PKIG: variants seen among roughly 807,000 people sequenced by gnomAD.
PKIG encodes cAMP-dependent protein kinase inhibitor gamma.
A neutral mutation model predicts 6.8 loss-of-function variants in PKIG; 1 was observed. That is an observed-to-expected ratio of 0.15 (90% CI 0.05 to 0.69). The LOEUF (loss-of-function observed/expected upper bound fraction) is 0.69. PKIG is among the 30% of genes least tolerant of loss of function. PKIG has a pLI of 0.82. For synonymous variants in PKIG, 39 were observed against 43.0 expected (o/e 0.91, Z 0.36); for missense variants, 77 against 104.0 (o/e 0.74, Z 1.13).
At chr20:44,615,206 GC>G (rs575546436) in intron 3 of PKIG, among the ~76,000 whole-genome samples, 26 of 151,424 alleles carry the variant, frequency 1.7e-4, no homozygotes, top group Non-Finnish European at 3.4e-4. Context: ...GGGCAGTCCT[GC>G]TGTAGGCCGG....
intron 1 of PKIG, among the ~76,000 whole-genome samples, chr20:44,572,096 C>T (rs557631723): frequency 9.9e-5 from 15 of 152,268 alleles, no homozygotes; most frequent in South Asian, 6.2e-4. Context: ...CTCTGCCTCC[C>T]GGGTTCAAGC....
At chr20:44,618,229 C>T in intron 3 of PKIG, 56 bp from the exon 4 acceptor site, 5 of 1,143,730 alleles carry the variant, frequency 4.4e-6, no homozygotes, top group Non-Finnish European at 6.7e-6. Flanking sequence ...ACACCTCCTT[C>T]TGTGCATTAC....
chr20:44,590,932 C>A (rs1350555850), intron 2 of PKIG, among the ~76,000 whole-genome samples: 1 of 152,212 alleles, frequency 6.6e-6, no homozygotes, highest in Non-Finnish European at 1.5e-5. Context: ...TCAGTTTAGA[C>A]TCCTGCCTCA....
chr20:44,572,443 T>C (rs1192270301), intron 1 of PKIG, among the ~76,000 whole-genome samples: 1 of 152,238 alleles, frequency 6.6e-6, no homozygotes, highest in African/African-American at 2.4e-5. Context: ...TAGTTCAAAC[T>C]TGGAAATAAA....
chr20:44,616,487 G>T (rs890223123), intron 3 of PKIG, among the ~76,000 whole-genome samples: 2 of 152,168 alleles, frequency 1.3e-5, no homozygotes, highest in African/African-American at 4.8e-5. Context: ...CCTCAGCTCT[G>T]GTGAGCTCTG....
chr20:44,611,929 G>GT (rs1464012864), intron 2 of PKIG, among the ~76,000 whole-genome samples: 12 of 151,762 alleles, frequency 7.9e-5, no homozygotes, highest in Non-Finnish European at 1.5e-4. Flanking sequence ...AGGTTTATCC[G>GT]TTTTGTCCCA....
intron 1 of PKIG, among the ~76,000 whole-genome samples, chr20:44,583,965 A>G (rs1442389233): frequency 2.0e-5 from 3 of 152,180 alleles, no homozygotes; most frequent in Non-Finnish European, 4.4e-5. Flanking sequence ...TTGAAGAAAG[A>G]GAAAGAAAAA....
intron 1 of PKIG, among the ~76,000 whole-genome samples, chr20:44,566,483 A>G (rs1048045020): frequency 6.6e-6 from 1 of 152,236 alleles, no homozygotes; most frequent in Admixed American, 6.5e-5. Context: ...CATGCATATC[A>G]TATATTATAT....
In PKIG at chr20:44,614,461, G is replaced by A; in HGVS notation, c.-23-73G>A. ...TCATTTTGACAGAAGCCACTGTGCTGGGGAACTGGAGCTGTCCTCTCTGCA... is the reference window on the plus strand; with the variant it reads ...TCATTTTGACAGAAGCCACTGTGCTAGGGAACTGGAGCTGTCCTCTCTGCA... On this transcript the variant is annotated intron_variant, in intron 2 of 3. Coordinates refer to ENST00000372886, the MANE Select transcript of PKIG (RefSeq NM_001281445.2). The surrounding 1 kb of genome is among the most constrained non-coding windows in gnomAD (Gnocchi z 4.6). 9.1e-7 allele frequency: 1 copy of A among 1,093,152 alleles called. No individual in the cohort carries two copies. Among genetic ancestry groups the A allele is most frequent in the Non-Finnish European group, 1.3e-6 (1 of 742,332 alleles). The allele number at this position is 1,093,152 out of a possible 1,614,324, so 67.7% of individuals were successfully genotyped here. A position where few individuals can be genotyped will look rare whatever the true frequency, so the allele number is the denominator to read the frequency against.
chr20:44,539,438 G>T (rs1346794703), intron 1 of PKIG, among the ~76,000 whole-genome samples: 176 of 132,546 alleles, frequency 1.3e-3, no homozygotes, highest in African/African-American at 4.0e-3. Context: ...TTTTTTTTTT[G>T]AACGAAGTTT....
intron 2 of PKIG, among the ~76,000 whole-genome samples, chr20:44,610,513 C>G (rs1038903691): frequency 6.6e-5 from 10 of 151,738 alleles, no homozygotes; most frequent in African/African-American, 2.4e-4. Context: ...CACACACACA[C>G]ACACACACAC....
At chr20:44,573,088 A>G (rs1353977446) in intron 1 of PKIG, among the ~76,000 whole-genome samples, 1 of 152,244 alleles carries the variant, frequency 6.6e-6, no homozygotes, top group African/African-American at 2.4e-5. Flanking sequence ...GGAACTAAGT[A>G]GAGTGGCACT....
At chr20:44,585,184 T>C (rs2064980018) in intron 1 of PKIG, 1 of 152,370 alleles carries the variant, frequency 6.6e-6, no homozygotes. Flanking sequence ...AAATGTGGAA[T>C]GCCTCACACT....
At chr20:44,593,121 C>G (rs1028438016) in intron 2 of PKIG, among the ~76,000 whole-genome samples, 1 of 151,412 alleles carries the variant, frequency 6.6e-6, no homozygotes, top group Admixed American at 6.6e-5. Context: ...GAGTTCGAGA[C>G]CAACCTGGGC....
intron 1 of PKIG, among the ~76,000 whole-genome samples, chr20:44,553,290 T>C (rs190915461): frequency 6.6e-5 from 10 of 152,298 alleles, no homozygotes; most frequent in African/African-American, 2.4e-4. Flanking sequence ...ACCAACGCCA[T>C]GTAGTGAATA....
chr20:44,617,294 A>T (rs557456999), intron 3 of PKIG, among the ~76,000 whole-genome samples: 1 of 152,120 alleles, frequency 6.6e-6, no homozygotes, highest in Non-Finnish European at 1.5e-5. Flanking sequence ...ACCTAGTAAC[A>T]TTGCACAGTG....
chr20:44,562,153 A>C (rs932678019), intron 1 of PKIG, among the ~76,000 whole-genome samples: 3 of 151,926 alleles, frequency 2.0e-5, no homozygotes, highest in Admixed American at 2.0e-4. Flanking sequence ...GGAAAGAAAG[A>C]ATGAAAAGAG....
intron 1 of PKIG, among the ~76,000 whole-genome samples, chr20:44,585,489 C>G (rs1284964817): frequency 6.6e-6 from 1 of 152,218 alleles, no homozygotes; most frequent in Non-Finnish European, 1.5e-5. Context: ...GAGATCATCT[C>G]CATTTTACAC....
At chr20:44,587,278 A>G (rs768116608) in intron 1 of PKIG, among the ~76,000 whole-genome samples, 4 of 152,204 alleles carry the variant, frequency 2.6e-5, no homozygotes, top group Non-Finnish European at 5.9e-5. Context: ...GGATCAGCAT[A>G]TTGTGGAGGT....
Sources: gnomAD v4.1 joint callset for allele counts (sites outside exome capture counted in the v4.1 genomes callset) on GRCh38, gnomAD v4.1.1 for gene constraint, Gnocchi (gnomAD v3.1) non-coding constraint, MANE v1.5 for transcripts, NCBI Gene and HGNC (gene_info 2026-07-23, HGNC 2026-07-21) for gene names.